Variants in ZNF407 observed in about 807,000 individuals in gnomAD.
ZNF407 encodes zinc finger protein 407.
Under a neutral mutation model 131.2 loss-of-function variants are expected in ZNF407, and 17 were observed. The ratio of observed to expected loss-of-function variants is 0.13; its 90% confidence interval spans 0.09 to 0.19. ZNF407 has a LOEUF of 0.19. ZNF407 is among the 10% of genes least tolerant of loss of function. The probability of loss-of-function intolerance (pLI) is 1.00; values close to 1 mark genes in which losing one functional copy is unlikely to be tolerated. For missense variants in ZNF407, 2,681 were observed against 2,830.6 expected, an observed-to-expected ratio of 0.95 and a Z score of 1.20; for synonymous variants, 1,156 against 1,062.0, an observed-to-expected ratio of 1.09 and a Z score of -1.72.
At chr18:74,799,491 T>A (rs1322214980) in intron 4 of ZNF407, among the ~76,000 whole-genome samples, 3 of 152,140 alleles carry the variant, frequency 2.0e-5, no homozygotes, top group African/African-American at 7.2e-5. Flanking sequence ...TTTTAATATT[T>A]AAACTTGAAT....
At position 74,616,936 on chromosome 18, in the gene ZNF407, A is replaced by G. The variant is rs1983322576; in HGVS notation, c.-53-14031A>G. Among the ~76,000 whole-genome samples, 246 of 140,566 alleles carry G rather than the reference A, an allele frequency of 1.8e-3. 3 individuals carry two copies. Among genetic ancestry groups the G allele is most frequent in the African/African-American group, 6.4e-3 (232 of 36,232 alleles). The allele number at this position is 140,566 out of a possible 152,430, so 92.2% of individuals were successfully genotyped here. ...CCATATCCACGCACCATACACATCC[A>G]TATCCACACACCACACGCATCCATA... On this transcript the variant is annotated intron_variant, in intron 1 of 8. Coordinates refer to ENST00000299687, the MANE Select transcript of ZNF407 (RefSeq NM_017757.3).
intron 4 of ZNF407, among the ~76,000 whole-genome samples, chr18:74,835,833 C>T (rs950713155): frequency 1.2e-4 from 19 of 152,020 alleles, no homozygotes; most frequent in African/African-American, 4.1e-4. Context: ...GAGAGTCTGC[C>T]TTCAGGAAGC....
At chr18:74,618,930 T>C (rs1348191472) in intron 1 of ZNF407, among the ~76,000 whole-genome samples, 1 of 152,256 alleles carries the variant, frequency 6.6e-6, no homozygotes, top group Non-Finnish European at 1.5e-5. Flanking sequence ...ATATCATATG[T>C]TAGCTTATTG....
At chr18:74,723,883 C>T (rs1428748283) in intron 3 of ZNF407, among the ~76,000 whole-genome samples, 1 of 129,404 alleles carries the variant, frequency 7.7e-6, no homozygotes, top group African/African-American at 3.0e-5. Flanking sequence ...CCAGGACCTT[C>T]ATACAGTTAT....
intron 4 of ZNF407, among the ~76,000 whole-genome samples, chr18:74,824,887 A>G (rs1395414555): frequency 6.6e-6 from 1 of 152,202 alleles, no homozygotes. Context: ...TTGTGATACC[A>G]AAACCTGTCA....
intron 7 of ZNF407, among the ~76,000 whole-genome samples, chr18:74,897,581 T>G (rs1239634731): frequency 6.6e-6 from 1 of 152,156 alleles, no homozygotes; most frequent in Non-Finnish European, 1.5e-5. Context: ...GTTAGATATA[T>G]CTGTATATAT....
At chr18:74,838,113 T>A (rs1394192757) in intron 4 of ZNF407, among the ~76,000 whole-genome samples, 1 of 152,254 alleles carries the variant, frequency 6.6e-6, no homozygotes, top group Non-Finnish European at 1.5e-5. Context: ...TCTACCCCTG[T>A]TGTTTCTAAA....
At chr18:75,010,224 C>G (rs1331696812) in intron 8 of ZNF407, among the ~76,000 whole-genome samples, 1 of 152,158 alleles carries the variant, frequency 6.6e-6, no homozygotes, top group African/African-American at 2.4e-5. Context: ...CCCCTGTCTA[C>G]ATGAGATTTC....
At chr18:75,058,663 T>G (rs1263000877) in intron 8 of ZNF407, among the ~76,000 whole-genome samples, 1 of 152,242 alleles carries the variant, frequency 6.6e-6, no homozygotes, top group Non-Finnish European at 1.5e-5. Context: ...ATGCAACCTG[T>G]ACCACGTGCC....
At chr18:74,630,658 G>C (rs971907778) in intron 1 of ZNF407, among the ~76,000 whole-genome samples, 1 of 151,914 alleles carries the variant, frequency 6.6e-6, no homozygotes, top group African/African-American at 2.4e-5. Flanking sequence ...TTTTTAAAAG[G>C]GTAGTAAATT....
At chr18:74,727,286 G>C (rs1188903830) in intron 3 of ZNF407, among the ~76,000 whole-genome samples, 1 of 146,298 alleles carries the variant, frequency 6.8e-6, no homozygotes, top group African/African-American at 2.4e-5. Flanking sequence ...TGAAGGAAGA[G>C]AGTGAAGGAG....
At chr18:74,913,097 C>A (rs950366096) in intron 7 of ZNF407, among the ~76,000 whole-genome samples, 9 of 152,172 alleles carry the variant, frequency 5.9e-5, no homozygotes, top group Non-Finnish European at 1.2e-4. Context: ...GGCTCAGGCT[C>A]TGAAACATTG....
In ZNF407 at chr18:75,063,391, G is replaced by A. The variant is rs375569507; in HGVS notation, c.5670G>A (p.Leu1890=). The A allele has an allele frequency of 1.9e-6, 3 of 1,611,096 alleles. No individual in the cohort carries two copies. Among genetic ancestry groups the A allele is most frequent in the African/African-American group, 2.7e-5 (2 of 74,912 alleles). Residue 1890 remains leucine (L), a synonymous_variant, in exon 9 of 9, where the codon CTG becomes CTA. Transcript: ENST00000299687. This position sits in a 1 kb window ranked among gnomAD's most constrained non-coding sequence, Gnocchi z 6.6. ...TGGAGGAGACGGCCGCCGCCACGCT[G>A]CAGACGCTGGCCATGGCCGGCCAGG... The part of the protein sequence containing the change: ...PSVEETAAAT[L]QTLAMAGQVA...
chr18:74,658,405 C>T (rs1219314300), intron 3 of ZNF407, among the ~76,000 whole-genome samples: 3 of 152,108 alleles, frequency 2.0e-5, no homozygotes, highest in African/African-American at 7.2e-5. Flanking sequence ...TGTGTGCCAC[C>T]GCGCCTGGCC....
chr18:74,802,607 G>T, intron 4 of ZNF407, among the ~76,000 whole-genome samples: 1 of 152,134 alleles, frequency 6.6e-6, no homozygotes, highest in Non-Finnish European at 1.5e-5. Context: ...AGGTCAGTTC[G>T]AAAATTTTTC....
At chr18:74,856,304 C>T (rs895066000) in intron 4 of ZNF407, among the ~76,000 whole-genome samples, 2 of 152,202 alleles carry the variant, frequency 1.3e-5, no homozygotes, top group Non-Finnish European at 2.9e-5. Flanking sequence ...CACAACGCAT[C>T]ATCTAAGGAG....
In ZNF407 at chr18:75,048,199, A is replaced by G. The variant is rs1186771953; in HGVS notation, c.5429-14951A>G. ...TGCCTCGTCTCCCGGTGACCTGTACAGACACCGCCCTTTTTGCTCTCAATG... is the reference window on the plus strand; with the variant it reads ...TGCCTCGTCTCCCGGTGACCTGTACGGACACCGCCCTTTTTGCTCTCAATG... On this transcript the variant is annotated intron_variant, in intron 8 of 8. Coordinates refer to ENST00000299687, the MANE Select transcript of ZNF407 (RefSeq NM_017757.3). This position sits in a 1 kb window ranked among gnomAD's most constrained non-coding sequence, Gnocchi z 4.1. Among the ~76,000 whole-genome samples, 1 of 152,218 alleles carries G rather than the reference A, an allele frequency of 6.6e-6. No individual in the cohort carries two copies. The highest frequency in any genetic ancestry group is 1.5e-5 in the Non-Finnish European group (1 of 68,042).
rs1973457277 is a variant in ZNF407 at position 75,048,141 on chromosome 18, T to C, written c.5429-15009T>C. 6.6e-6 allele frequency among the ~76,000 whole-genome samples: 1 copy of C among 152,248 alleles called. No individual in the cohort carries two copies. The highest frequency in any genetic ancestry group is 2.1e-4 in the South Asian group (1 of 4,832). ...TCATAGACTCAGATCCTAATGCAGC[T>C]GAAGCTGACACCTGTCAGCAGCACC... On this transcript the variant is annotated intron_variant, in intron 8 of 8. Transcript: ENST00000299687. This position sits in a 1 kb window ranked among gnomAD's most constrained non-coding sequence, Gnocchi z 4.1.
At chr18:74,812,669 A>G (rs930827972) in intron 4 of ZNF407, among the ~76,000 whole-genome samples, 4 of 151,860 alleles carry the variant, frequency 2.6e-5, no homozygotes, top group African/African-American at 4.8e-5. Context: ...AACTTCCCCC[A>G]TTGCCTCTCT....
Sources: gnomAD v4.1 joint callset for allele counts (sites outside exome capture counted in the v4.1 genomes callset) on GRCh38, gnomAD v4.1.1 for gene constraint, Gnocchi (gnomAD v3.1) non-coding constraint, MANE v1.5 for transcripts, NCBI Gene and HGNC (gene_info 2026-07-23, HGNC 2026-07-21) for gene names.